Variants in RAB37 observed in about 807,000 individuals in gnomAD.
The protein encoded by RAB37 is RAB37, member RAS oncogene family, also known as ras-related protein Rab-37.
In RAB37, 29 loss-of-function variants were observed where a neutral mutation model predicts 33.1. The ratio of observed to expected loss-of-function variants is 0.88; its 90% confidence interval spans 0.65 to 1.20. The LOEUF is 1.20. RAB37 is among the 50% of genes most tolerant of loss of function. The probability of loss-of-function intolerance (pLI) is 0.00; values close to 1 mark genes in which losing one functional copy is unlikely to be tolerated. For missense variants in RAB37, 299 were observed against 301.1 expected, an observed-to-expected ratio of 0.99 and a Z score of 0.05; for synonymous variants, 128 against 119.5, an observed-to-expected ratio of 1.07 and a Z score of -0.47.
At chr17:74,678,642 C>T (rs2031890975) in intron 1 of RAB37, among the ~76,000 whole-genome samples, 1 of 152,032 alleles carries the variant, frequency 6.6e-6, no homozygotes, top group Non-Finnish European at 1.5e-5. Flanking sequence ...CTCTTACTTG[C>T]TAGCCTTCTG....
chr17:74,711,653 G>A (rs199683226), intron 1 of RAB37, among the ~76,000 whole-genome samples: 10 of 152,042 alleles, frequency 6.6e-5, no homozygotes, highest in East Asian at 5.8e-4. Flanking sequence ...AAGAGCCCTC[G>A]TATCTACTGT....
rs2034061138 is a variant in RAB37, at chr17:74,712,742, G to C, written c.73-16514G>C. ...GCTCATGCCATTAAGGACACCTTCT[G>C]GCCGGGTCCCTTCTTCCCTCTCTCA... On this transcript the variant is annotated intron_variant, in intron 1 of 7. Coordinates refer to the RAB37 transcript ENST00000340415. 1.2e-5 allele frequency: 17 copies of C among 1,439,494 alleles called. No homozygotes were observed. The South Asian group carries it at 1.9e-4, about 16-fold the overall frequency. 89.2% of individuals were successfully genotyped at this position (1,439,494 alleles called of 1,614,324 possible).
At chr17:74,698,731 G>A in intron 1 of RAB37, 1 of 899,414 alleles carries the variant, frequency 1.1e-6, no homozygotes, top group African/African-American at 1.7e-5. Context: ...AGGAAGCAAA[G>A]AATCAAAAAA....
chr17:74,731,334 G>A (rs1030824101), intron 2 of RAB37, among the ~76,000 whole-genome samples: 2 of 152,192 alleles, frequency 1.3e-5, no homozygotes, highest in African/African-American at 2.4e-5. Context: ...CGCTCAGGAG[G>A]CTGAGTGCCG....
At chr17:74,725,255 G>A (rs1490114123) in intron 1 of RAB37, among the ~76,000 whole-genome samples, 1 of 151,918 alleles carries the variant, frequency 6.6e-6, no homozygotes, top group Non-Finnish European at 1.5e-5. Context: ...AACCCCAAAG[G>A]AATTTTCAGC....
chr17:74,728,630 C>G (rs1468805396), intron 1 of RAB37, among the ~76,000 whole-genome samples: 1 of 149,264 alleles, frequency 6.7e-6, no homozygotes, highest in Admixed American at 6.7e-5. Flanking sequence ...CCTCTGTATG[C>G]ATCTGTTTCT....
At chr17:74,700,829 T>G (rs1337858267) in intron 1 of RAB37, among the ~76,000 whole-genome samples, 1 of 151,730 alleles carries the variant, frequency 6.6e-6, no homozygotes, top group Non-Finnish European at 1.5e-5. Context: ...CCAATCCATA[T>G]GTTGAAGTCC....
rs1172501206 is a variant in RAB37, at chr17:74,737,918, A to G, written c.93+553A>G. 3.9e-5 allele frequency among the ~76,000 whole-genome samples: 6 copies of G among 152,148 alleles called. 1 individual carries two copies. The highest frequency in any genetic ancestry group is 1.4e-4 in the African/African-American group (6 of 41,500). Reference sequence around the variant, plus strand: ...GTCGGAAGCCGCTCCTCCCAGAAGGATGTTGCCAGCCGGCCTGCAGGTCAC... The same window carrying G: ...GTCGGAAGCCGCTCCTCCCAGAAGGGTGTTGCCAGCCGGCCTGCAGGTCAC... On this transcript the variant is annotated intron_variant, in intron 1 of 8. Coordinates refer to ENST00000392613, the MANE Select transcript of RAB37 (RefSeq NM_001006638.3).
rs2033612613 is a variant in RAB37, at chr17:74,707,502, G to T, written c.73-21754G>T. Among the ~76,000 whole-genome samples, 3 of 152,306 alleles carry T rather than the reference G, an allele frequency of 2.0e-5. No individual in the cohort carries two copies. The South Asian group carries it at 6.2e-4, about 32-fold the overall frequency. On this transcript the variant is annotated intron_variant, in intron 1 of 7. Coordinates refer to the RAB37 transcript ENST00000340415. ...GGCCACATTGGGTGGATCATCTGAA[G>T]TCAGGAGTTTGAGACCAGCCTAGGC...
intron 1 of RAB37, among the ~76,000 whole-genome samples, chr17:74,699,770 C>G (rs2032863968): frequency 6.6e-6 from 1 of 152,140 alleles, no homozygotes; most frequent in Non-Finnish European, 1.5e-5. Flanking sequence ...CTGACAGGCC[C>G]TACTGTAGTG....
Position 74,745,323 on chromosome 17 carries a change from C to T in RAB37, c.584C>T (p.Ala195Val). The change falls in exon 9 of 9, where the codon GCC (alanine) becomes GTC (valine). Residue 195 changes from alanine to valine, a missense_variant. By Grantham distance (64) the Ala-to-Val change is moderately conservative. Transcript: ENST00000392613. This position sits in a 1 kb window ranked among gnomAD's most constrained non-coding sequence, Gnocchi z 4.5. ...LAIAKELKYR[A>V]GHQADEPSFQ... ...TCTTCAAGGGAACTGAAATACCGGGCCGGGCATCAGGCGGATGAGCCCAGC... is the reference window on the plus strand; with the variant it reads ...TCTTCAAGGGAACTGAAATACCGGGTCGGGCATCAGGCGGATGAGCCCAGC... The T allele has an allele frequency of 6.2e-7, 1 of 1,614,086 alleles. No homozygotes were observed. Among genetic ancestry groups the T allele is most frequent in the South Asian group, 1.1e-5 (1 of 91,080 alleles).
chr17:74,692,947 C>T (rs1318713599), intron 1 of RAB37, among the ~76,000 whole-genome samples: 3 of 152,120 alleles, frequency 2.0e-5, no homozygotes, highest in African/African-American at 4.8e-5. Context: ...TAACTAGGCA[C>T]GGGGGATATG....
chr17:74,705,693 T>C (rs138878301), intron 1 of RAB37, among the ~76,000 whole-genome samples: 3,273 of 152,208 alleles, frequency 0.022, 63 homozygotes, highest in Non-Finnish European at 0.032. Flanking sequence ...CTCCCAGGCT[T>C]AATTGATCCT....
chr17:74,698,554 G>A, intron 1 of RAB37: 1 of 1,506,178 alleles, frequency 6.6e-7, no homozygotes, highest in Admixed American at 2.0e-5. Flanking sequence ...CACCCACCCA[G>A]CAGCAGGGGA....
upstream of RAB37, chr17:74,737,077 C>T: frequency 6.2e-7 from 1 of 1,607,806 alleles, no homozygotes; most frequent in Non-Finnish European, 8.5e-7. Context: ...CGCCCCTTCA[C>T]GCAGACCCTG....
At chr17:74,684,363 G>A (rs927753791) in intron 1 of RAB37, among the ~76,000 whole-genome samples, 5 of 151,438 alleles carry the variant, frequency 3.3e-5, no homozygotes, top group Non-Finnish European at 7.4e-5. Flanking sequence ...AAAGTGCTGG[G>A]ATTATAGGCG....
chr17:74,679,815 T>C (rs995268518), intron 1 of RAB37, among the ~76,000 whole-genome samples: 2 of 151,624 alleles, frequency 1.3e-5, no homozygotes, highest in African/African-American at 4.8e-5. Flanking sequence ...CTGTCTCTAC[T>C]AAAAACACAA....
At chr17:74,718,901 A>C (rs2034203188) in intron 1 of RAB37, among the ~76,000 whole-genome samples, 1 of 152,212 alleles carries the variant, frequency 6.6e-6, no homozygotes, top group Non-Finnish European at 1.5e-5. Context: ...TGCTTTACCA[A>C]CTGGACTACT....
At chr17:74,690,000 G>A (rs1348874426) in intron 1 of RAB37, among the ~76,000 whole-genome samples, 1 of 152,144 alleles carries the variant, frequency 6.6e-6, no homozygotes, top group East Asian at 1.9e-4. Context: ...CCCTGAGGCT[G>A]GTGTGCAGTG....
Sources: gnomAD v4.1 joint callset for allele counts (sites outside exome capture counted in the v4.1 genomes callset) on GRCh38, gnomAD v4.1.1 for gene constraint, Gnocchi (gnomAD v3.1) non-coding constraint, MANE v1.5 for transcripts, NCBI Gene and HGNC (gene_info 2026-07-23, HGNC 2026-07-21) for gene names.